The following KLHL29 variants were observed in gnomAD, a reference collection of about 807,000 sequenced individuals.
KLHL29 encodes the protein kelch-like protein 29.
KLHL29 carries 21 observed loss-of-function variants against 80.4 expected under a neutral mutation model. The ratio of observed to expected loss-of-function variants is 0.26; its 90% CI spans 0.19 to 0.38. The LOEUF (loss-of-function observed/expected upper bound fraction) is 0.38, where lower values mean the gene tolerates loss of function less well. Among genes scored for constraint, KLHL29 ranks in the 10% least tolerant of loss-of-function variants. KLHL29 has a pLI of 1.00. For missense variants in KLHL29, 867 were observed against 1,223.9 expected (o/e 0.71, Z 4.35); for synonymous variants, 511 against 526.8 (o/e 0.97, Z 0.41).
intron 3 of KLHL29, among the ~76,000 whole-genome samples, chr2:23,563,690 G>C (rs1201929628): frequency 2.0e-5 from 3 of 152,202 alleles, no homozygotes; most frequent in African/African-American, 7.2e-5. Flanking sequence ...TTTCAGCCCT[G>C]CTTCCCATTA....
In KLHL29 at chr2:23,388,993, T is replaced by C. The variant is rs866179848; in HGVS notation, c.-154+3213T>C. 7.0e-3 allele frequency among the ~76,000 whole-genome samples: 706 copies of C among 100,594 alleles called. 3 individuals carry two copies. Among genetic ancestry groups the C allele is most frequent in the African/African-American group, 0.02 (660 of 32,212 alleles). The allele number at this position is 100,594 out of a possible 152,430, so 66.0% of individuals were successfully genotyped here. On this transcript the variant is annotated intron_variant, in intron 1 of 13. Transcript: ENST00000486442. ...TTTTTTTCTTTCTTTCTTCTTCTTT[T>C]TTTTTTTTTTTTTTTTAAAATCCCA...
intron 1 of KLHL29, among the ~76,000 whole-genome samples, chr2:23,419,353 G>C (rs1230204327): frequency 6.6e-6 from 1 of 152,104 alleles, no homozygotes; most frequent in Admixed American, 6.5e-5. Context: ...CTCCTGGTCT[G>C]TCCTGGCGCT....
chr2:23,602,529 G>A (rs1668597736), intron 3 of KLHL29, among the ~76,000 whole-genome samples: 1 of 152,156 alleles, frequency 6.6e-6, no homozygotes, highest in African/African-American at 2.4e-5. Context: ...GGGGTAGGGG[G>A]TCAGGAAAGC....
At chr2:23,394,110 A>T (rs6743827) in intron 1 of KLHL29, among the ~76,000 whole-genome samples, 37,766 of 152,114 alleles carry the variant, frequency 0.25, 4,889 homozygotes, top group South Asian at 0.31. Context: ...CGGCCGGAAC[A>T]TCCCTGCTTT....
At chr2:23,529,637 A>G (rs1301529065) in intron 2 of KLHL29, among the ~76,000 whole-genome samples, 4 of 151,494 alleles carry the variant, frequency 2.6e-5, no homozygotes, top group African/African-American at 4.8e-5. Flanking sequence ...GGTGATGAGC[A>G]TACCGAAGAG....
intron 6 of KLHL29, chr2:23,690,648 A>T (rs1428387913): frequency 1.3e-5 from 2 of 152,124 alleles, no homozygotes; most frequent in Admixed American, 1.3e-4. Context: ...AGGAGCCAGG[A>T]TGGGGCGGCC....
intron 2 of KLHL29, among the ~76,000 whole-genome samples, chr2:23,522,714 C>T (rs1255020901): frequency 6.6e-6 from 1 of 152,148 alleles, no homozygotes; most frequent in African/African-American, 2.4e-5. Context: ...GAGAGAGTTT[C>T]TTCTCCTCCA....
In KLHL29 at chr2:23,562,470, G is replaced by T. The variant is rs1328721320; in HGVS notation, c.274G>T (p.Val92Phe). 1 of 1,536,006 alleles carries T rather than the reference G, an allele frequency of 6.5e-7. No homozygotes were observed. The highest frequency in any genetic ancestry group is 8.7e-7 in the Non-Finnish European group (1 of 1,146,746). ...CCTCGTGGCCAGCTCTGCGTCTGCG[G>T]TCACCACCAAGGTAAGATGTGGTGT... ...TSLVASSASA[V>F]TTKAPGISKG... The change falls in exon 3 of 14, where the codon GTC (valine) becomes TTC (phenylalanine). Residue 92 changes from valine to phenylalanine, a missense_variant. Physicochemically the swap from Val to Phe is conservative, Grantham distance 50 (BLOSUM62 -1). Around this residue, in one of 2 missense-constraint regions of KLHL29, gnomAD observed 424 missense variants for 456.9 expected, o/e 0.93. Coordinates refer to ENST00000486442, the MANE Select transcript of KLHL29 (RefSeq NM_052920.2). The surrounding 1 kb of genome is among the most constrained non-coding windows in gnomAD (Gnocchi z 4.5).
chr2:23,405,647 T>TC (rs1319359963), intron 1 of KLHL29, among the ~76,000 whole-genome samples: 2 of 152,120 alleles, frequency 1.3e-5, no homozygotes, highest in African/African-American at 4.8e-5. Flanking sequence ...TTCTGCAAGC[T>TC]CAGCTCCCAA....
intron 1 of KLHL29, among the ~76,000 whole-genome samples, chr2:23,444,414 T>C (rs1663617691): frequency 6.6e-6 from 1 of 152,190 alleles, no homozygotes; most frequent in African/African-American, 2.4e-5. Flanking sequence ...AACCTCCGCC[T>C]CTCGGGTTCA....
intron 1 of KLHL29, among the ~76,000 whole-genome samples, chr2:23,394,422 T>A (rs1345808721): frequency 6.6e-6 from 1 of 152,202 alleles, no homozygotes; most frequent in African/African-American, 2.4e-5. Flanking sequence ...CCCTGTCGCA[T>A]GGGTGACTTC....
At chr2:23,544,143 G>A (rs189056556) in intron 2 of KLHL29, among the ~76,000 whole-genome samples, 7 of 152,314 alleles carry the variant, frequency 4.6e-5, no homozygotes, top group Admixed American at 3.3e-4. Flanking sequence ...AGGGAAGGAG[G>A]GAAGAACAGG....
At chr2:23,447,835 T>G (rs1663754313) in intron 1 of KLHL29, among the ~76,000 whole-genome samples, 1 of 152,218 alleles carries the variant, frequency 6.6e-6, no homozygotes, top group African/African-American at 2.4e-5. Context: ...TGTGGAAATA[T>G]GACTGTGTCT....
At chr2:23,630,933 G>A (rs1669451998) in intron 3 of KLHL29, among the ~76,000 whole-genome samples, 1 of 152,230 alleles carries the variant, frequency 6.6e-6, no homozygotes, top group Non-Finnish European at 1.5e-5. Context: ...TGGCCAGGGA[G>A]GACCAGTTCA....
chr2:23,432,939 G>A (rs1013652076), intron 1 of KLHL29, among the ~76,000 whole-genome samples: 2 of 152,224 alleles, frequency 1.3e-5, no homozygotes, highest in Non-Finnish European at 2.9e-5. Flanking sequence ...CATGGTGAGG[G>A]AGACAGGGGT....
Position 23,682,690 on chromosome 2 carries a change from G to A in KLHL29, c.941-1709G>A, listed in dbSNP as rs569920195. Among the ~76,000 whole-genome samples the A allele has an allele frequency of 8.2e-5, 12 of 146,942 alleles. No individual in the cohort carries two copies. In the South Asian group the frequency reaches 1.6e-3, roughly 19 times the overall value. ...CTCCTGCACCCTCCCACACCCTCCC[G>A]CACCCTCCCGCGCCCTCCCACTGGT... On this transcript the variant is annotated intron_variant, in intron 5 of 13. Transcript: ENST00000486442. The surrounding 1 kb of genome is among the most constrained non-coding windows in gnomAD (Gnocchi z 4.1).
intron 3 of KLHL29, among the ~76,000 whole-genome samples, chr2:23,622,032 G>A (rs1427913506): frequency 6.6e-6 from 1 of 152,202 alleles, no homozygotes; most frequent in African/African-American, 2.4e-5. Flanking sequence ...CCCTTGGGAT[G>A]TGCTGGAAGC....
chr2:23,419,383 A>G (rs1002117854), intron 1 of KLHL29, among the ~76,000 whole-genome samples: 2 of 150,750 alleles, frequency 1.3e-5, no homozygotes, highest in African/African-American at 2.5e-5. Context: ...GGAGGGTCCC[A>G]CCTGGGGAGG....
chr2:23,422,298 TTG>T (rs1219973997), intron 1 of KLHL29, among the ~76,000 whole-genome samples: 1 of 151,430 alleles, frequency 6.6e-6, no homozygotes, highest in African/African-American at 2.4e-5. Flanking sequence ...TCTGTGCATT[TTG>T]TGTTTCCTTA....
Sources: gnomAD v4.1 joint callset for allele counts (sites outside exome capture counted in the v4.1 genomes callset) on GRCh38, gnomAD v4.1.1 for gene constraint, gnomAD v4.1.1 regional missense constraint, Gnocchi (gnomAD v3.1) non-coding constraint, MANE v1.5 for transcripts, NCBI Gene and HGNC (gene_info 2026-07-23, HGNC 2026-07-21) for gene names.